The following STXBP6 variants were observed in gnomAD, a reference collection of about 807,000 sequenced individuals.
STXBP6 encodes syntaxin binding protein 6, also known as syntaxin-binding protein 6.
In STXBP6, 21 loss-of-function variants were observed where a neutral mutation model predicts 26.9. The ratio of observed to expected loss-of-function variants is 0.78; its 90% CI spans 0.55 to 1.12. The LOEUF is 1.12. Ranked by LOEUF, STXBP6 falls within the 50% of genes most tolerant of loss-of-function variation. The pLI, the probability that STXBP6 is intolerant of heterozygous loss-of-function variation, is 0.00. For synonymous variants in STXBP6, 97 were observed against 92.6 expected, an observed-to-expected ratio of 1.05 and a Z score of -0.27; for missense variants, 232 against 257.9, an observed-to-expected ratio of 0.90 and a Z score of 0.69.
At chr14:24,964,497 C>G (rs2073663797) in intron 2 of STXBP6, among the ~76,000 whole-genome samples, 1 of 152,170 alleles carries the variant, frequency 6.6e-6, no homozygotes, top group South Asian at 2.1e-4. Flanking sequence ...CCTGTCTCTT[C>G]TTCATGGAAG....
At chr14:24,846,188 T>C (rs2139072106) in intron 4 of STXBP6, among the ~76,000 whole-genome samples, 1 of 152,332 alleles carries the variant, frequency 6.6e-6, no homozygotes, top group African/African-American at 2.4e-5. Context: ...GACTGAACTA[T>C]CTTTCCCGCA....
intron 1 of STXBP6, among the ~76,000 whole-genome samples, chr14:24,977,841 G>A (rs2074089761): frequency 6.6e-6 from 1 of 152,182 alleles, no homozygotes; most frequent in African/African-American, 2.4e-5. Flanking sequence ...TCACCCATCA[G>A]TGTGAGACCC....
intron 2 of STXBP6, among the ~76,000 whole-genome samples, chr14:24,906,371 G>T (rs988588337): frequency 3.9e-5 from 6 of 152,060 alleles, no homozygotes; most frequent in Non-Finnish European, 5.9e-5. Context: ...TTTATACGAG[G>T]CCATTTTAAT....
intron 1 of STXBP6, among the ~76,000 whole-genome samples, chr14:25,046,726 A>T (rs2140526057): frequency 6.6e-6 from 1 of 152,326 alleles, no homozygotes; most frequent in African/African-American, 2.4e-5. Context: ...GCCACAGTCT[A>T]GGTCATAGGA....
chr14:24,970,882 T>C (rs1002959741), intron 2 of STXBP6, among the ~76,000 whole-genome samples: 5 of 152,222 alleles, frequency 3.3e-5, no homozygotes, highest in African/African-American at 1.2e-4. Flanking sequence ...TCAGTATTTT[T>C]AATTTTAGTC....
chr14:24,827,572 T>C (rs897227358), intron 4 of STXBP6, among the ~76,000 whole-genome samples: 13 of 152,190 alleles, frequency 8.5e-5, no homozygotes, highest in African/African-American at 2.9e-4. Context: ...AAAATGCTCA[T>C]GGAATCCAGG....
At chr14:24,947,654 G>A (rs2073035197) in intron 2 of STXBP6, among the ~76,000 whole-genome samples, 1 of 152,134 alleles carries the variant, frequency 6.6e-6, no homozygotes, top group Non-Finnish European at 1.5e-5. Context: ...TAAAAATAAT[G>A]GCTGGGGAAT....
At chr14:25,023,134 G>A (rs948782579) in intron 1 of STXBP6, among the ~76,000 whole-genome samples, 4 of 152,118 alleles carry the variant, frequency 2.6e-5, no homozygotes, top group Admixed American at 1.3e-4. Context: ...ATAAACAAGC[G>A]GGGATCATTA....
intron 1 of STXBP6, among the ~76,000 whole-genome samples, chr14:24,998,732 C>T (rs1267868904): frequency 6.6e-6 from 1 of 152,182 alleles, no homozygotes; most frequent in East Asian, 1.9e-4. Flanking sequence ...GATCCAGGCC[C>T]TAACCTAGAG....
intron 1 of STXBP6, among the ~76,000 whole-genome samples, chr14:24,976,594 T>C (rs1475981274): frequency 6.6e-6 from 1 of 152,202 alleles, no homozygotes; most frequent in Non-Finnish European, 1.5e-5. Flanking sequence ...TGATACGGTA[T>C]GATTTCCTAC....
intron 1 of STXBP6, among the ~76,000 whole-genome samples, chr14:25,000,045 T>C (rs1055890662): frequency 1.3e-5 from 2 of 152,166 alleles, no homozygotes; most frequent in East Asian, 3.9e-4. Flanking sequence ...ATTTAAAGTT[T>C]TGTAGGACAC....
At chr14:24,896,451 A>C (rs1395184349) in intron 2 of STXBP6, among the ~76,000 whole-genome samples, 6 of 152,194 alleles carry the variant, frequency 3.9e-5, no homozygotes, top group Non-Finnish European at 8.8e-5. Flanking sequence ...ATATGCAGTT[A>C]CCTGGGTCCC....
intron 1 of STXBP6, among the ~76,000 whole-genome samples, chr14:24,997,176 T>G (rs532780788): frequency 2.6e-5 from 4 of 152,126 alleles, no homozygotes; most frequent in African/African-American, 9.7e-5. Context: ...TCCTGTCTTC[T>G]CTTTTCTATG....
intron 1 of STXBP6, among the ~76,000 whole-genome samples, chr14:25,036,590 C>G (rs943351485): frequency 6.6e-6 from 1 of 152,138 alleles, no homozygotes; most frequent in Non-Finnish European, 1.5e-5. Flanking sequence ...CACGGTGGCT[C>G]ACGCCTGTAA....
intron 1 of STXBP6, among the ~76,000 whole-genome samples, chr14:24,984,714 T>A (rs7157481): frequency 1.3e-5 from 2 of 152,168 alleles, no homozygotes; most frequent in Admixed American, 6.5e-5. Flanking sequence ...AATTCTGACA[T>A]AAGAGATGTA....
rs2075078289 is a variant in STXBP6, at chr14:25,013,483, C to CAT, written c.-33+36394_-33+36395insAT. Among the ~76,000 whole-genome samples, 5 of 151,796 alleles carry CAT rather than the reference C, an allele frequency of 3.3e-5. No homozygotes were observed. The South Asian group carries it at 1.0e-3, about 32-fold the overall frequency. On this transcript the variant is annotated intron_variant, in intron 1 of 5. Transcript: ENST00000323944. ...TCTCTCTTTCACACACACACACACA[C>CAT]ACACACACACACACACACACCCCTA...
At chr14:24,904,858 A>ATTG (rs1423188854) in intron 2 of STXBP6, among the ~76,000 whole-genome samples, 6 of 152,226 alleles carry the variant, frequency 3.9e-5, no homozygotes, top group African/African-American at 1.2e-4. Flanking sequence ...GCCGTAGCAG[A>ATTG]TGAATACAGC....
At chr14:24,929,557 T>C (rs1258110180) in intron 2 of STXBP6, among the ~76,000 whole-genome samples, 1 of 152,250 alleles carries the variant, frequency 6.6e-6, no homozygotes. Context: ...GAAGTTTTAT[T>C]GCTGAACTTC....
intron 4 of STXBP6, among the ~76,000 whole-genome samples, chr14:24,838,790 G>C (rs1481390964): frequency 1.3e-5 from 2 of 152,118 alleles, no homozygotes; most frequent in Non-Finnish European, 2.9e-5. Flanking sequence ...TTCTGAGGGA[G>C]AGTGAGCAAG....
Sources: allele counts gnomAD v4.1 joint callset (sites outside exome capture counted in the v4.1 genomes callset), GRCh38; gene constraint gnomAD v4.1.1; transcripts MANE v1.5; gene names NCBI Gene and HGNC (gene_info 2026-07-23, HGNC 2026-07-21).